The following NEGR1 variants were observed in gnomAD, a reference collection of about 807,000 sequenced individuals.
The protein encoded by NEGR1 is neuronal growth regulator 1.
A neutral mutation model predicts 40.9 loss-of-function variants in NEGR1; 10 were observed. The ratio of observed to expected loss-of-function variants is 0.24; its 90% confidence interval spans 0.15 to 0.42. The LOEUF is 0.42. NEGR1 is among the 10% of genes least tolerant of loss of function. The pLI is 1.00. For synonymous variants in NEGR1, 185 were observed against 166.8 expected (o/e 1.11, Z -0.84); for missense variants, 352 against 438.9 (o/e 0.80, Z 1.77).
chr1:71,480,366 TCTTA>T (rs1646847145), intron 6 of NEGR1, among the ~76,000 whole-genome samples: 1 of 151,886 alleles, frequency 6.6e-6, no homozygotes, highest in Admixed American at 6.6e-5. Context: ...GTCCCAACCC[TCTTA>T]CTTTGTTCTG....
rs182761930 is a variant in NEGR1 at position 71,949,479 on chromosome 1, T to C, written c.177-14168A>G. Among the ~76,000 whole-genome samples, 177 of 151,976 alleles carry C rather than the reference T, an allele frequency of 1.2e-3. 1 individual carries two copies. Among genetic ancestry groups the C allele is most frequent in the Non-Finnish European group, 2.2e-3 (151 of 68,010 alleles). ...AAGAAGTTCAGTACCTGTCACGTAG[T>C]TGGTACTTAAAAAATAGTTTTTTGA... On this transcript the variant is annotated intron_variant, in intron 1 of 6. Transcript: ENST00000357731.
At chr1:71,926,498 T>A (rs1030589021) in intron 2 of NEGR1, among the ~76,000 whole-genome samples, 1 of 152,086 alleles carries the variant, frequency 6.6e-6, no homozygotes, top group Non-Finnish European at 1.5e-5. Flanking sequence ...GAATCTTCCT[T>A]GCTGGTATAA....
rs1192824603 is a variant in NEGR1, at chr1:71,887,197, AAAATCTT to A, written c.409+47875_409+47881del. 2.6e-4 allele frequency among the ~76,000 whole-genome samples: 40 copies of A among 152,342 alleles called. No homozygotes were observed. The East Asian group carries it at 2.7e-3, about 10-fold the overall frequency. ...CATTAAGTGGAAGTGGATCATCATA[AAAATCTT>A]CATCCTTGTCATCTTGACGTTGAGT... On this transcript the variant is annotated intron_variant, in intron 2 of 6. Coordinates refer to ENST00000357731, the MANE Select transcript of NEGR1 (RefSeq NM_173808.3).
chr1:71,461,070 T>C (rs1646711446), intron 6 of NEGR1, among the ~76,000 whole-genome samples: 1 of 152,218 alleles, frequency 6.6e-6, no homozygotes, highest in South Asian at 2.1e-4. Flanking sequence ...GTCTTCTTTA[T>C]TATTGAAAAA....
In NEGR1 at chr1:71,999,678, T is replaced by TAC. The variant is rs1553128986; in HGVS notation, c.177-64369_177-64368dup. 7.0e-3 allele frequency among the ~76,000 whole-genome samples: 349 copies of TAC among 49,846 alleles called. 21 individuals carry two copies. The highest frequency in any genetic ancestry group is 1.0e-2 in the Non-Finnish European group (244 of 24,446). The allele number at this position is 49,846 out of a possible 152,430, so 32.7% of individuals were successfully genotyped here. On this transcript the variant is annotated intron_variant, in intron 1 of 6. Transcript: ENST00000357731. ...ATATATATATATATATATATATATATACATACATATTTTTGTCCGGTCTCG... is the reference window on the plus strand; with the variant it reads ...ATATATATATATATATATATATATATACACATACATATTTTTGTCCGGTCTCG...
intron 1 of NEGR1, among the ~76,000 whole-genome samples, chr1:72,238,941 C>T (rs1311805512): frequency 6.6e-6 from 1 of 151,786 alleles, no homozygotes; most frequent in African/African-American, 2.4e-5. Context: ...GAATAAAAGA[C>T]ACATCACAAT....
intron 1 of NEGR1, among the ~76,000 whole-genome samples, chr1:72,091,439 C>T (rs1385246716): frequency 6.9e-6 from 1 of 144,928 alleles, no homozygotes; most frequent in Non-Finnish European, 1.5e-5. Context: ...TTCCCTCCCT[C>T]CCTAACTCCA....
rs1289283889 is a variant in NEGR1 at position 71,747,938 on chromosome 1, C to A, written c.535+28234G>T. 2.0e-5 allele frequency among the ~76,000 whole-genome samples: 3 copies of A among 151,982 alleles called. No homozygotes were observed. In the South Asian group the frequency reaches 6.2e-4, roughly 31 times the overall value. On this transcript the variant is annotated intron_variant, in intron 3 of 6. Coordinates refer to ENST00000357731, the MANE Select transcript of NEGR1 (RefSeq NM_173808.3). ...AAAAATTAAAACTAATTCCTATCAT[C>A]CAGGTTCTTTCAAATCCAATTGTAT...
chr1:72,086,312 C>T (rs894158488), intron 1 of NEGR1, among the ~76,000 whole-genome samples: 4 of 152,140 alleles, frequency 2.6e-5, no homozygotes, highest in East Asian at 1.9e-4. Flanking sequence ...ACCAGCCTCT[C>T]CTGAATTTGT....
At chr1:71,857,626 CAAAAAAAAAAA>C (rs59343025) in intron 2 of NEGR1, among the ~76,000 whole-genome samples, 4 of 53,440 alleles carry the variant, frequency 7.5e-5, no homozygotes, top group Non-Finnish European at 9.8e-5. Context: ...GATCCTGTCT[CAAAAAAAAAAA>C]AAAAAAAAAA....
chr1:72,105,769 G>C (rs1421234784), intron 1 of NEGR1, among the ~76,000 whole-genome samples: 7 of 151,936 alleles, frequency 4.6e-5, no homozygotes, highest in Non-Finnish European at 8.8e-5. Context: ...AAGGAGGAAA[G>C]ATGGAGACCA....
At chr1:71,903,100 A>T (rs1661184375) in intron 2 of NEGR1, among the ~76,000 whole-genome samples, 1 of 152,012 alleles carries the variant, frequency 6.6e-6, no homozygotes, top group Non-Finnish European at 1.5e-5. Context: ...AACTTGATCC[A>T]AAATATGTAA....
At chr1:71,643,118 C>T (rs1451309652) in intron 4 of NEGR1, among the ~76,000 whole-genome samples, 3 of 151,970 alleles carry the variant, frequency 2.0e-5, no homozygotes, top group Admixed American at 2.0e-4. Context: ...AAGTAGGCAG[C>T]CTTGTCCTCA....
intron 1 of NEGR1, among the ~76,000 whole-genome samples, chr1:72,259,753 A>T (rs963142728): frequency 2.0e-5 from 3 of 152,122 alleles, no homozygotes; most frequent in Admixed American, 2.0e-4. Flanking sequence ...AAGAGTATGA[A>T]CATGGGGAAG....
At chr1:72,097,865 A>C (rs559070133) in intron 1 of NEGR1, among the ~76,000 whole-genome samples, 39 of 152,314 alleles carry the variant, frequency 2.6e-4, no homozygotes, top group African/African-American at 8.7e-4. Flanking sequence ...GGGATCATTA[A>C]AATGTTTGAA....
intron 4 of NEGR1, among the ~76,000 whole-genome samples, chr1:71,621,358 C>T (rs1187593429): frequency 6.6e-6 from 1 of 151,750 alleles, no homozygotes; most frequent in African/African-American, 2.4e-5. Flanking sequence ...GTGTATGTAA[C>T]ACAAAGGTAT....
At chr1:71,970,575 C>T (rs1260607034) in intron 1 of NEGR1, among the ~76,000 whole-genome samples, 1 of 151,928 alleles carries the variant, frequency 6.6e-6, no homozygotes, top group African/African-American at 2.4e-5. Flanking sequence ...GCCTGTAGAT[C>T]CAGCTCCTCC....
chr1:71,465,207 TA>T (rs1369159217), intron 6 of NEGR1, among the ~76,000 whole-genome samples: 1 of 152,088 alleles, frequency 6.6e-6, no homozygotes, highest in Non-Finnish European at 1.5e-5. Flanking sequence ...ACAACAGAGA[TA>T]AAAACAGCAG....
At chr1:71,552,763 T>A (rs1426038897) in intron 6 of NEGR1, among the ~76,000 whole-genome samples, 4 of 151,340 alleles carry the variant, frequency 2.6e-5, no homozygotes, top group Non-Finnish European at 4.4e-5. Flanking sequence ...GAATAAAATC[T>A]GGGTTTACTG....
Sources: allele counts gnomAD v4.1 joint callset (sites outside exome capture counted in the v4.1 genomes callset), GRCh38; gene constraint gnomAD v4.1.1; transcripts MANE v1.5; gene names NCBI Gene and HGNC (gene_info 2026-07-23, HGNC 2026-07-21).